ADGRL2: variants seen among roughly 807,000 people sequenced by gnomAD.
ADGRL2 encodes adhesion G protein-coupled receptor L2.
Under a neutral mutation model 157.4 loss-of-function variants are expected in ADGRL2, and 44 were observed. That is an observed-to-expected ratio of 0.28 (90% confidence interval 0.22 to 0.36). The LOEUF (loss-of-function observed/expected upper bound fraction) is 0.36, where lower values mean the gene tolerates loss of function less well. Ranked by LOEUF, ADGRL2 falls within the 10% of genes least tolerant of loss-of-function variation. The pLI is 1.00. For missense variants in ADGRL2, 1,510 were observed against 1,768.9 expected, an observed-to-expected ratio of 0.85 and a Z score of 2.63; for synonymous variants, 585 against 624.7, an observed-to-expected ratio of 0.94 and a Z score of 0.95.
intron 3 of ADGRL2, among the ~76,000 whole-genome samples, chr1:81,632,211 G>A (rs771372588): frequency 5.3e-5 from 8 of 152,070 alleles, no homozygotes; most frequent in Non-Finnish European, 8.8e-5. Context: ...CGACTACAAA[G>A]CAAACACATA....
intron 1 of ADGRL2, among the ~76,000 whole-genome samples, chr1:81,339,624 A>C (rs1389090477): frequency 2.0e-5 from 3 of 151,744 alleles, no homozygotes; most frequent in Non-Finnish European, 4.4e-5. Flanking sequence ...CCTTCACCTG[A>C]TACTTATTTT....
intron 2 of ADGRL2, chr1:81,557,448 A>G (rs2080314549): frequency 1.0e-5 from 1 of 96,432 alleles, no homozygotes; most frequent in Non-Finnish European, 2.2e-5. Context: ...AGAAAGAAAG[A>G]GAGAAAGAAA....
At chr1:81,933,191 A>G (rs2095260433) in intron 3 of ADGRL2, among the ~76,000 whole-genome samples, 3 of 152,218 alleles carry the variant, frequency 2.0e-5, no homozygotes, top group Non-Finnish European at 4.4e-5. Context: ...CTTTATGATG[A>G]ACCGTAATTG....
intron 2 of ADGRL2, among the ~76,000 whole-genome samples, chr1:81,478,816 C>G (rs2101904401): frequency 6.6e-6 from 1 of 152,024 alleles, no homozygotes; most frequent in African/African-American, 2.4e-5. Flanking sequence ...GAGAAAAATA[C>G]TGGCATCTGC....
chr1:81,665,631 T>C (rs1490628938), intron 3 of ADGRL2, among the ~76,000 whole-genome samples: 3 of 152,244 alleles, frequency 2.0e-5, no homozygotes, highest in Middle Eastern at 3.4e-3. Context: ...TGTTATATTA[T>C]CTCTATATGA....
intron 3 of ADGRL2, among the ~76,000 whole-genome samples, chr1:81,587,245 A>C (rs947174266): frequency 2.6e-5 from 4 of 152,150 alleles, no homozygotes; most frequent in African/African-American, 7.2e-5. Context: ...TTAATAAACA[A>C]TAACAAAGAA....
chr1:81,936,876 C>T (rs747176669), intron 4 of ADGRL2, 39 bp downstream of exon 4: 1 of 1,251,622 alleles, frequency 8.0e-7, no homozygotes, highest in East Asian at 2.3e-5. Flanking sequence ...CTTTGCCCAG[C>T]ATTACTTGTT....
At chr1:81,616,583 A>AT (rs2081651356) in intron 3 of ADGRL2, among the ~76,000 whole-genome samples, 2 of 150,956 alleles carry the variant, frequency 1.3e-5, no homozygotes, top group Non-Finnish European at 2.9e-5. Context: ...GTTCAGCACT[A>AT]TGAGTCCTCT....
At chr1:81,701,020 T>TTGGGACTAAGCAGGGC (rs1553141961) in intron 1 of ADGRL2, among the ~76,000 whole-genome samples, 1 of 152,170 alleles carries the variant, frequency 6.6e-6, no homozygotes, top group East Asian at 1.9e-4. Flanking sequence ...CATTAATACG[T>TTGGGACTAAGCAGGGC]TGGGACTAAG....
intron 1 of ADGRL2, among the ~76,000 whole-genome samples, chr1:81,435,282 C>A (rs1462076552): frequency 6.6e-6 from 1 of 152,124 alleles, no homozygotes; most frequent in African/African-American, 2.4e-5. Context: ...GTTTTAACAA[C>A]CATGTTAAAA....
chr1:81,684,095 G>T (rs1428861959), intron 3 of ADGRL2, among the ~76,000 whole-genome samples: 1 of 152,174 alleles, frequency 6.6e-6, no homozygotes, highest in Non-Finnish European at 1.5e-5. Context: ...GATTACAGGC[G>T]TGAGCCACTG....
intron 3 of ADGRL2, among the ~76,000 whole-genome samples, chr1:81,689,941 T>C (rs2083299510): frequency 6.6e-6 from 1 of 152,166 alleles, no homozygotes; most frequent in Admixed American, 6.5e-5. Flanking sequence ...GATCTCTCTC[T>C]CCCAATCTGG....
intron 2 of ADGRL2, among the ~76,000 whole-genome samples, chr1:81,579,133 T>C (rs1485771239): frequency 6.6e-6 from 1 of 152,154 alleles, no homozygotes; most frequent in African/African-American, 2.4e-5. Flanking sequence ...AGTCTGAAAG[T>C]GCTCAAATTC....
At chr1:81,968,884 C>T (rs968869825) in intron 14 of ADGRL2, among the ~76,000 whole-genome samples, 1 of 152,038 alleles carries the variant, frequency 6.6e-6, no homozygotes, top group Non-Finnish European at 1.5e-5. Context: ...AAATAGTTTC[C>T]ATGTGTTTAT....
intron 1 of ADGRL2, among the ~76,000 whole-genome samples, chr1:81,356,875 C>T (rs1440087347): frequency 2.1e-5 from 3 of 140,214 alleles, no homozygotes; most frequent in Non-Finnish European, 3.0e-5. Context: ...ATGGCGTGAA[C>T]CCGGGAGGCG....
At chr1:81,531,603 C>A (rs528472410) in intron 2 of ADGRL2, among the ~76,000 whole-genome samples, 1 of 152,136 alleles carries the variant, frequency 6.6e-6, no homozygotes, top group Non-Finnish European at 1.5e-5. Flanking sequence ...TGGGAACCCA[C>A]GTCTTAATGA....
At chr1:81,603,735 A>C (rs1047099153) in intron 3 of ADGRL2, among the ~76,000 whole-genome samples, 1 of 149,954 alleles carries the variant, frequency 6.7e-6, no homozygotes, top group African/African-American at 2.4e-5. Flanking sequence ...TTTGCACATC[A>C]TCTTTTATGC....
chr1:81,837,340 C>T (rs1205514659), intron 2 of ADGRL2, among the ~76,000 whole-genome samples: 1 of 151,874 alleles, frequency 6.6e-6, no homozygotes, highest in East Asian at 1.9e-4. Context: ...TTTTGGTATA[C>T]ATTTTACATT....
chr1:81,552,671 T>C (rs1379354365), intron 2 of ADGRL2, among the ~76,000 whole-genome samples: 1 of 149,150 alleles, frequency 6.7e-6, no homozygotes, highest in Non-Finnish European at 1.5e-5. Context: ...GAGTTCTGAC[T>C]AAGACTAAGC....
Sources: gnomAD v4.1 joint callset for allele counts (sites outside exome capture counted in the v4.1 genomes callset) on GRCh38, gnomAD v4.1.1 for gene constraint, MANE v1.5 for transcripts, NCBI Gene and HGNC (gene_info 2026-07-23, HGNC 2026-07-21) for gene names.